CFAP53: variants seen among roughly 807,000 people sequenced by gnomAD.
CFAP53 encodes cilia- and flagella-associated protein 53.
In CFAP53, 62 loss-of-function variants were observed where a neutral mutation model predicts 59.7. The ratio of observed to expected loss-of-function variants is 1.04; its 90% CI spans 0.85 to 1.28. The LOEUF is 1.28. Among genes scored for constraint, CFAP53 ranks in the 50% most tolerant of loss-of-function variants. CFAP53 has a pLI of 0.00. For missense variants in CFAP53, 629 were observed against 615.6 expected, an observed-to-expected ratio of 1.02 and a Z score of -0.23; for synonymous variants, 218 against 205.7, an observed-to-expected ratio of 1.06 and a Z score of -0.51.
chr18:50,227,277 C>G lies in CFAP53; in HGVS notation c.*104G>C. The stretch of plus-strand genomic sequence containing the variant: ...TTATGTTCAATTAATTACACAAACT[C>G]AGGGAAAAAAGAAAAGTTTATCCAG... On this transcript the variant is annotated 3_prime_UTR_variant, in exon 8 of 8. Transcript: ENST00000398545. 1 of 875,280 alleles carries G rather than the reference C, an allele frequency of 1.1e-6. No homozygotes were observed. Among genetic ancestry groups the G allele is most frequent in the Non-Finnish European group, 1.7e-6 (1 of 575,150 alleles). 54.2% of individuals were successfully genotyped at this position (875,280 alleles called of 1,614,324 possible). A position where few individuals can be genotyped will look rare whatever the true frequency, so the allele number is the denominator to read the frequency against.
Position 50,266,373 on chromosome 18 carries a change from C to G in CFAP53, c.32G>C (p.Arg11Pro). The stretch of plus-strand genomic sequence containing the variant: ...TTTGGGGGTGGGGCCCTTAACCTCC[C>G]GCTGTACGGTGCCAAACCGCTGGCT... MYSQRFGTVQ[R>P]EVKGPTPKVV... The change falls in exon 1 of 8, where the codon CGG becomes CCG. Residue 11 changes from arginine to proline, a missense_variant. By Grantham distance (103) the Arg-to-Pro change is moderately radical. Coordinates refer to ENST00000398545, the MANE Select transcript of CFAP53 (RefSeq NM_145020.5). 6.2e-7 allele frequency: 1 copy of G among 1,614,268 alleles called. No homozygotes were observed. The highest frequency in any genetic ancestry group is 8.5e-7 in the Non-Finnish European group (1 of 1,180,048).
At chr18:50,257,679 TAC>T (rs1405319302) in intron 3 of CFAP53, among the ~76,000 whole-genome samples, 1 of 152,216 alleles carries the variant, frequency 6.6e-6, no homozygotes, top group African/African-American at 2.4e-5. Flanking sequence ...AAAACTTCTA[TAC>T]TACCCAAAGC....
intron 1 of CFAP53, among the ~76,000 whole-genome samples, chr18:50,265,635 G>A (rs1283596478): frequency 3.9e-5 from 6 of 152,152 alleles, no homozygotes; most frequent in Admixed American, 3.9e-4. Flanking sequence ...CTACATGTTA[G>A]TTTTCTGGTG....
chr18:50,241,733 G>C (rs1266185110), intron 6 of CFAP53, among the ~76,000 whole-genome samples: 1 of 152,022 alleles, frequency 6.6e-6, no homozygotes. Flanking sequence ...TAGGTCATAA[G>C]GATCACATGC....
chr18:50,245,783 G>C (rs992357979), intron 5 of CFAP53, among the ~76,000 whole-genome samples: 1 of 152,152 alleles, frequency 6.6e-6, no homozygotes, highest in East Asian at 1.9e-4. Context: ...CAGATACCTG[G>C]ACATGCAAGG....
rs750824771 is a variant in CFAP53 at position 50,261,169 on chromosome 18, A to G, written c.368T>C (p.Ile123Thr). 8.8e-6 allele frequency: 14 copies of G among 1,588,610 alleles called. No individual in the cohort carries two copies. Among genetic ancestry groups the G allele is most frequent in the Middle Eastern group, 3.3e-4 (2 of 6,014 alleles). ...FTEMQLKKET[I>T]EEKKDRMREK... Reference sequence around the variant, plus strand: ...TCTCATCCTATCTTTTTTCTCCTCAATGGTTTCTTTCTTCAATTGCATTTC... The same window carrying G: ...TCTCATCCTATCTTTTTTCTCCTCAGTGGTTTCTTTCTTCAATTGCATTTC... The change falls in exon 3 of 8, where the codon ATT (isoleucine) becomes ACT (threonine). Residue 123 changes from isoleucine (I) to threonine (T), a missense_variant. By Grantham distance (89) the Ile-to-Thr change is moderately conservative. Coordinates refer to ENST00000398545, the MANE Select transcript of CFAP53 (RefSeq NM_145020.5).
Position 50,251,930 on chromosome 18 carries a change from C to T in CFAP53, c.474-146G>A. 9.6e-6 allele frequency: 7 copies of T among 730,974 alleles called. No individual in the cohort carries two copies. In the East Asian group the frequency reaches 1.3e-4, roughly 13 times the overall value. The allele number at this position is 730,974 out of a possible 1,614,324, so 45.3% of individuals were successfully genotyped here. ...TCGGAGCACAGGAAACAAGAGGGAGCAGCAGGGAGGGCAAGCACCAGGATG... is the reference window on the plus strand; with the variant it reads ...TCGGAGCACAGGAAACAAGAGGGAGTAGCAGGGAGGGCAAGCACCAGGATG... On this transcript the variant is annotated intron_variant, in intron 3 of 7. Transcript: ENST00000398545.
At chr18:50,243,590 A>T (rs1260452980) in intron 5 of CFAP53, among the ~76,000 whole-genome samples, 1 of 152,152 alleles carries the variant, frequency 6.6e-6, no homozygotes, top group Non-Finnish European at 1.5e-5. Flanking sequence ...GCTGGTAGTC[A>T]TTTTGTGCTT....
At position 50,251,765 on chromosome 18, in the gene CFAP53, G is replaced by A. The variant is rs753096348; in HGVS notation, c.493C>T (p.Arg165Cys). The change falls in exon 4 of 8, where the codon CGT becomes TGT. Residue 165 changes from arginine to cysteine, a missense_variant. Arg to Cys is a radical substitution (Grantham distance 180, BLOSUM62 -3). Coordinates refer to ENST00000398545, the MANE Select transcript of CFAP53 (RefSeq NM_145020.5). Reference sequence around the variant, plus strand: ...TGATGGATAGATAACAATTCAACACGGAGCTCCTCACAGCGTTCCCTGAAA... The same window carrying A: ...TGATGGATAGATAACAATTCAACACAGAGCTCCTCACAGCGTTCCCTGAAA... ...QQFRERCEEL[R>C]VELLSIHQKK... The A allele has an allele frequency of 6.2e-6, 10 of 1,613,648 alleles. No homozygotes were observed. Among genetic ancestry groups the A allele is most frequent in the African/African-American group, 2.7e-5 (2 of 74,904 alleles).
intron 5 of CFAP53, among the ~76,000 whole-genome samples, chr18:50,244,050 A>G (rs1243756518): frequency 6.6e-6 from 1 of 152,104 alleles, no homozygotes; most frequent in Non-Finnish European, 1.5e-5. Flanking sequence ...AGGTGATAGT[A>G]ATGTGCAGCT....
intron 7 of CFAP53, among the ~76,000 whole-genome samples, chr18:50,229,265 C>A (rs1404786022): frequency 2.0e-5 from 3 of 152,182 alleles, no homozygotes; most frequent in Non-Finnish European, 4.4e-5. Flanking sequence ...CCCCTGGTAA[C>A]CACCATTCTA....
At chr18:50,256,241 T>C (rs747650649) in intron 3 of CFAP53, 1 of 152,202 alleles carries the variant, frequency 6.6e-6, no homozygotes, top group African/African-American at 2.4e-5. Flanking sequence ...AATATATGAA[T>C]GGTCCATTGA....
At chr18:50,248,409 G>C (rs998584838) in intron 5 of CFAP53, among the ~76,000 whole-genome samples, 1 of 152,162 alleles carries the variant, frequency 6.6e-6, no homozygotes, top group African/African-American at 2.4e-5. Flanking sequence ...CTGAAAAACA[G>C]TTTAGCAGTT....
intron 3 of CFAP53, among the ~76,000 whole-genome samples, 157 bp downstream of exon 3, chr18:50,260,907 A>G (rs2033885935): frequency 6.6e-6 from 1 of 152,196 alleles, no homozygotes; most frequent in African/African-American, 2.4e-5. Flanking sequence ...TCAAGCACAC[A>G]CTGTATTATT....
At chr18:50,258,693 C>T (rs1450287755) in intron 3 of CFAP53, among the ~76,000 whole-genome samples, 1 of 152,140 alleles carries the variant, frequency 6.6e-6, no homozygotes, top group Non-Finnish European at 1.5e-5. Context: ...AAAATATTTG[C>T]AAACTATCCC....
chr18:50,235,368 C>T (rs2033623603), intron 7 of CFAP53, among the ~76,000 whole-genome samples: 2 of 151,922 alleles, frequency 1.3e-5, no homozygotes, highest in Non-Finnish European at 2.9e-5. Context: ...GAGTTTGAGA[C>T]CAGCCTGGCC....
At chr18:50,241,893 G>A (rs1016827963) in intron 6 of CFAP53, among the ~76,000 whole-genome samples, 1 of 152,128 alleles carries the variant, frequency 6.6e-6, no homozygotes, top group South Asian at 2.1e-4. Context: ...ATTTCACCAG[G>A]CTGGAATTTC....
At chr18:50,228,349 G>T (rs188735594) in intron 7 of CFAP53, among the ~76,000 whole-genome samples, 3 of 152,250 alleles carry the variant, frequency 2.0e-5, no homozygotes, top group African/African-American at 7.2e-5. Context: ...GAGGCCTGCA[G>T]TGATCTCATG....
chr18:50,241,325 C>G (rs909582293), intron 6 of CFAP53, among the ~76,000 whole-genome samples: 1 of 152,134 alleles, frequency 6.6e-6, no homozygotes, highest in Non-Finnish European at 1.5e-5. Flanking sequence ...GCCAGTTGGT[C>G]ATCTGAGATG....
Sources: allele counts gnomAD v4.1 joint callset (sites outside exome capture counted in the v4.1 genomes callset), GRCh38; gene constraint gnomAD v4.1.1; transcripts MANE v1.5; gene names NCBI Gene and HGNC (gene_info 2026-07-23, HGNC 2026-07-21).